SNX18: variants seen among roughly 807,000 people sequenced by gnomAD.
SNX18 encodes the protein sorting nexin-18.
Under a neutral mutation model 48.7 loss-of-function variants are expected in SNX18, and 35 were observed. The ratio of observed to expected loss-of-function variants is 0.72; its 90% CI spans 0.55 to 0.95. SNX18 has a LOEUF of 0.95. SNX18 is among the 40% of genes least tolerant of loss of function. SNX18 has a pLI of 0.00. For synonymous variants in SNX18, 492 were observed against 384.7 expected (o/e 1.28, Z -3.26); for missense variants, 824 against 871.0 (o/e 0.95, Z 0.68).
the SNX18 span, among the ~76,000 whole-genome samples, chr5:54,581,572 C>T: frequency 6.6e-6 from 1 of 152,160 alleles, no homozygotes; most frequent in African/African-American, 2.4e-5. Context: ...TCTACCCCTG[C>T]CTGCTCCCAC....
the SNX18 span, among the ~76,000 whole-genome samples, chr5:54,629,459 C>A: frequency 6.6e-6 from 1 of 152,210 alleles, no homozygotes; most frequent in Non-Finnish European, 1.5e-5. Flanking sequence ...GCAGAGTATG[C>A]CTCACTGTAG....
chr5:54,518,621 C>A lies in SNX18; in HGVS notation c.669C>A (p.Ala223=). Residue 223 remains alanine, a synonymous_variant, in exon 1 of 2, where the codon GCC becomes GCA. Transcript: ENST00000381410. ...ACCCGTCGGGGCCCAAGAGCTCGGC[C>A]ACCGTGAGCCGCAACCTCAATCGCT... ...QHHPSGPKSS[A]TVSRNLNRFS... 6.4e-7 allele frequency: 1 copy of A among 1,560,416 alleles called. No homozygotes were observed. The highest frequency in any genetic ancestry group is 1.2e-5 in the South Asian group (1 of 82,332).
the SNX18 span, among the ~76,000 whole-genome samples, chr5:54,558,102 A>T: frequency 6.6e-6 from 1 of 152,160 alleles, no homozygotes; most frequent in Non-Finnish European, 1.5e-5. Context: ...GCAGGTAAAA[A>T]AGACTCTGTA....
the SNX18 span, among the ~76,000 whole-genome samples, chr5:54,638,521 TTTTTA>T: frequency 0.2 from 30,404 of 152,020 alleles, 3,437 homozygotes; most frequent in East Asian, 0.3. Context: ...TGGTGAAGAA[TTTTTA>T]TTTTAAGAGG....
the SNX18 span, among the ~76,000 whole-genome samples, chr5:54,646,403 G>C: frequency 6.6e-6 from 1 of 152,228 alleles, no homozygotes; most frequent in South Asian, 2.1e-4. Flanking sequence ...AGCTTGCCCC[G>C]TGTTCGTGGT....
the SNX18 span, among the ~76,000 whole-genome samples, chr5:54,601,604 C>T: frequency 3.0e-4 from 45 of 152,098 alleles, no homozygotes; most frequent in Non-Finnish European, 5.3e-4. Flanking sequence ...TATTAGACAG[C>T]CTTTGCCCCA....
chr5:54,535,573 T>G (rs773121468), intron 1 of SNX18, among the ~76,000 whole-genome samples: 5 of 152,254 alleles, frequency 3.3e-5, no homozygotes, highest in Admixed American at 6.5e-5. Context: ...ACTAATCCAC[T>G]CAATCTGTGC....
At chr5:54,553,840 A>T in the SNX18 span, among the ~76,000 whole-genome samples, 1 of 152,260 alleles carries the variant, frequency 6.6e-6, no homozygotes, top group Admixed American at 6.5e-5. Context: ...AGCATCTCCA[A>T]CGTGGGGGTT....
the SNX18 span, among the ~76,000 whole-genome samples, chr5:54,600,283 G>T: frequency 1.3e-5 from 2 of 152,012 alleles, no homozygotes; most frequent in African/African-American, 2.4e-5. Context: ...ATGAGATACC[G>T]TCTCATGCCA....
chr5:54,557,420 C>T, the SNX18 span, among the ~76,000 whole-genome samples: 1 of 152,182 alleles, frequency 6.6e-6, no homozygotes, highest in Non-Finnish European at 1.5e-5. Flanking sequence ...TACAATATGG[C>T]AACATAGCAT....
rs765650574 is a variant in SNX18 at position 54,518,226 on chromosome 5, G to A, written c.274G>A (p.Ala92Thr). 7.1e-6 allele frequency: 10 copies of A among 1,407,076 alleles called. No homozygotes were observed. The highest frequency in any genetic ancestry group is 1.6e-5 in the South Asian group (1 of 63,660). 87.2% of individuals were successfully genotyped at this position (1,407,076 alleles called of 1,614,324 possible). ...CGGGGGCTTCGAGCCCCTGCCTGTC[G>A]CGCCCCCCGCCTCCTTCAAGCCGCC... The part of the protein sequence containing the change: ...PPGGFEPLPV[A>T]PPASFKPPPD... Residue 92 changes from alanine (A) to threonine (T), a missense_variant, in exon 1 of 2, where the codon GCG (alanine) becomes ACG (threonine). Around this residue, in one of 3 missense-constraint regions of SNX18, gnomAD observed 377 missense variants for 350.6 expected, o/e 1.08. Coordinates refer to ENST00000381410, the MANE Select transcript of SNX18 (RefSeq NM_001102575.2).
At chr5:54,634,868 T>C in the SNX18 span, among the ~76,000 whole-genome samples, 1 of 152,180 alleles carries the variant, frequency 6.6e-6, no homozygotes, top group Non-Finnish European at 1.5e-5. Flanking sequence ...TTAGGATAAT[T>C]AATGTTTGTC....
intron 1 of SNX18, among the ~76,000 whole-genome samples, chr5:54,528,186 T>A (rs1445754070): frequency 6.6e-6 from 1 of 152,022 alleles, no homozygotes; most frequent in African/African-American, 2.4e-5. Context: ...TTAGTAAGTT[T>A]TAGTTATAAC....
intron 1 of SNX18, among the ~76,000 whole-genome samples, chr5:54,542,666 A>G (rs1036446031): frequency 3.3e-5 from 5 of 152,190 alleles, no homozygotes; most frequent in Non-Finnish European, 2.9e-5. Context: ...CCAAAACACA[A>G]CCTGTGTTGG....
the SNX18 span, among the ~76,000 whole-genome samples, chr5:54,586,237 T>G: frequency 6.6e-6 from 1 of 152,190 alleles, no homozygotes; most frequent in Non-Finnish European, 1.5e-5. Flanking sequence ...ACTCTGGAAA[T>G]GGCCCAATTT....
At chr5:54,636,947 C>T in the SNX18 span, among the ~76,000 whole-genome samples, 4,009 of 152,202 alleles carry the variant, frequency 0.026, 194 homozygotes, top group African/African-American at 0.091. Flanking sequence ...CCACATGTGT[C>T]CTCAAGTCAA....
chr5:54,601,857 C>T, the SNX18 span, among the ~76,000 whole-genome samples: 1 of 149,380 alleles, frequency 6.7e-6, no homozygotes, highest in African/African-American at 2.5e-5. Context: ...AACACATGAT[C>T]GGGAAAAAAA....
chr5:54,551,633 T>C, the SNX18 span, among the ~76,000 whole-genome samples: 1 of 152,208 alleles, frequency 6.6e-6, no homozygotes, highest in Non-Finnish European at 1.5e-5. Flanking sequence ...CTTATAGATA[T>C]TCCATAATGG....
Position 54,518,440 on chromosome 5 carries a change from C to T in SNX18, c.488C>T (p.Thr163Met). The change falls in exon 1 of 2, where the codon ACG (threonine) becomes ATG (methionine). Residue 163 changes from threonine (T) to methionine (M), a missense_variant. Transcript: ENST00000381410. ...DWDDEWDDSS[T>M]VADEPGALGS... The stretch of plus-strand genomic sequence containing the variant: ...GACGACGAGTGGGACGACAGCTCCA[C>T]GGTGGCGGACGAGCCGGGCGCTCTG... 11 of 1,575,300 alleles carry T rather than the reference C, an allele frequency of 7.0e-6. No homozygotes were observed. Among genetic ancestry groups the T allele is most frequent in the Non-Finnish European group, 9.5e-6 (11 of 1,161,488 alleles).
Sources: allele counts gnomAD v4.1 joint callset (sites outside exome capture counted in the v4.1 genomes callset), GRCh38; gene constraint gnomAD v4.1.1; regional missense constraint gnomAD v4.1.1; transcripts MANE v1.5; gene names NCBI Gene and HGNC (gene_info 2026-07-23, HGNC 2026-07-21).